CEP112: variants seen among roughly 807,000 people sequenced by gnomAD.
CEP112 encodes centrosomal protein of 112 kDa.
Under a neutral mutation model 153.0 loss-of-function variants are expected in CEP112, and 127 were observed. That is an observed-to-expected ratio of 0.83 (90% confidence interval 0.72 to 0.96). The LOEUF is 0.96. CEP112 is among the 40% of genes least tolerant of loss of function. The pLI is 0.00. For synonymous variants in CEP112, 358 were observed against 374.4 expected, an observed-to-expected ratio of 0.96 and a Z score of 0.51; for missense variants, 1,089 against 1,101.2, an observed-to-expected ratio of 0.99 and a Z score of 0.16.
chr17:66,057,434 G>A (rs1244478417), intron 11 of CEP112, among the ~76,000 whole-genome samples: 1 of 152,088 alleles, frequency 6.6e-6, no homozygotes, highest in Non-Finnish European at 1.5e-5. Flanking sequence ...TTCTCCATGG[G>A]ATAGGGAAAA....
chr17:65,742,990 C>T, intron 23 of CEP112, 78 bp downstream of exon 23: 1 of 1,164,038 alleles, frequency 8.6e-7, no homozygotes, highest in South Asian at 1.7e-5. Context: ...ATTCATCTGC[C>T]CACTGCTGGG....
chr17:65,941,752 A>G (rs1019659349), intron 18 of CEP112, among the ~76,000 whole-genome samples: 1 of 151,736 alleles, frequency 6.6e-6, no homozygotes, highest in Admixed American at 6.6e-5. Flanking sequence ...GTTCAAAGAT[A>G]ATAAAGTGTG....
At position 66,048,337 on chromosome 17, in the gene CEP112, A is replaced by G. The variant is rs1476824194; in HGVS notation, c.1218+5399T>C. On this transcript the variant is annotated intron_variant, in intron 12 of 26. Transcript: ENST00000535342. The stretch of plus-strand genomic sequence containing the variant: ...GCCAGAGAAATTATCCAATGTTCAC[A>G]TATATAGAAGTTCAATATATAAGAG... Among the ~76,000 whole-genome samples the G allele has an allele frequency of 2.0e-5, 3 of 152,186 alleles. No individual in the cohort carries two copies. The East Asian group carries it at 5.8e-4, about 29-fold the overall frequency.
chr17:65,696,959 T>C (rs546242039), intron 23 of CEP112, among the ~76,000 whole-genome samples: 1 of 152,282 alleles, frequency 6.6e-6, no homozygotes. Context: ...ATTTACCCCA[T>C]GAATGTTTTG....
chr17:65,741,451 G>T (rs1237377271), intron 23 of CEP112, among the ~76,000 whole-genome samples: 15 of 150,492 alleles, frequency 1.0e-4, no homozygotes, highest in Admixed American at 9.9e-4. Context: ...GTAACATATG[G>T]TACATATAGT....
At chr17:65,724,670 T>C (rs1349355728) in intron 23 of CEP112, among the ~76,000 whole-genome samples, 1 of 152,358 alleles carries the variant, frequency 6.6e-6, no homozygotes, top group African/African-American at 2.4e-5. Context: ...TAAAAAATTA[T>C]ACATATGTCT....
chr17:65,692,343 C>T (rs2048151991), intron 23 of CEP112, among the ~76,000 whole-genome samples: 1 of 151,662 alleles, frequency 6.6e-6, no homozygotes, highest in African/African-American at 2.4e-5. Context: ...ATTCTCCTGC[C>T]TCAGCCTCCA....
At chr17:65,839,717 G>A (rs1259663287) in intron 21 of CEP112, among the ~76,000 whole-genome samples, 1 of 151,864 alleles carries the variant, frequency 6.6e-6, no homozygotes, top group Non-Finnish European at 1.5e-5. Context: ...AAATTAGAAA[G>A]GAAGAAGTCA....
chr17:66,028,651 T>A (rs1184828544), intron 14 of CEP112, among the ~76,000 whole-genome samples: 1 of 151,852 alleles, frequency 6.6e-6, no homozygotes, highest in Admixed American at 6.6e-5. Flanking sequence ...AAAAATATAA[T>A]CTTTTAAAGT....
At chr17:66,150,498 T>C (rs8069758) in intron 4 of CEP112, among the ~76,000 whole-genome samples, 102,025 of 152,066 alleles carry the variant, frequency 0.67, 35,933 homozygotes, top group Non-Finnish European at 0.78. Flanking sequence ...CCCAAACTGC[T>C]GGGATTATAG....
chr17:65,783,268 T>G (rs930735783), intron 21 of CEP112, among the ~76,000 whole-genome samples: 3 of 152,250 alleles, frequency 2.0e-5, no homozygotes, highest in Admixed American at 2.0e-4. Flanking sequence ...GTAATAATAA[T>G]AATGATGATG....
intron 16 of CEP112, among the ~76,000 whole-genome samples, chr17:66,011,046 T>G (rs145862224): frequency 4.1e-4 from 62 of 152,266 alleles, no homozygotes; most frequent in Admixed American, 1.1e-3. Context: ...GCAGCTCTTC[T>G]TTACACATCT....
At chr17:65,913,878 A>G (rs996314821) in intron 19 of CEP112, 2 of 985,286 alleles carry the variant, frequency 2.0e-6, no homozygotes, top group Non-Finnish European at 2.4e-6. Context: ...CCCATTTAAC[A>G]CTTCAAAACA....
chr17:66,069,169 T>C (rs1311033867), intron 9 of CEP112, among the ~76,000 whole-genome samples: 1 of 152,022 alleles, frequency 6.6e-6, no homozygotes, highest in Non-Finnish European at 1.5e-5. Flanking sequence ...CCTCTGTCTC[T>C]AGTACTCAGT....
intron 21 of CEP112, among the ~76,000 whole-genome samples, chr17:65,770,928 T>TTAA (rs2053312543): frequency 8.0e-6 from 1 of 124,304 alleles, no homozygotes; most frequent in Non-Finnish European, 1.6e-5. Context: ...GACTCCGTCT[T>TTAA]AAAAAAAAAA....
At chr17:65,687,160 ATTTTTTTTTT>A (rs35675811) in intron 24 of CEP112, among the ~76,000 whole-genome samples, 2 of 90,142 alleles carry the variant, frequency 2.2e-5, no homozygotes, top group East Asian at 3.4e-4. Context: ...GTTATTATTA[ATTTTTTTTTT>A]TTTTTTTTTT....
At chr17:65,969,663 C>G (rs1370566198) in intron 17 of CEP112, among the ~76,000 whole-genome samples, 1 of 152,216 alleles carries the variant, frequency 6.6e-6, no homozygotes, top group Non-Finnish European at 1.5e-5. Flanking sequence ...ATGTATAACA[C>G]TGCATATTGC....
At chr17:65,672,724 A>T (rs528821543) in intron 24 of CEP112, among the ~76,000 whole-genome samples, 7 of 152,312 alleles carry the variant, frequency 4.6e-5, no homozygotes, top group African/African-American at 1.7e-4. Flanking sequence ...TCTGAAGCTC[A>T]TGCTCTTAAG....
Position 65,800,315 on chromosome 17 carries a change from C to T in CEP112, c.2395-49591G>A, listed in dbSNP as rs554159668. Among the ~76,000 whole-genome samples, 80 of 152,098 alleles carry T rather than the reference C, an allele frequency of 5.3e-4. 1 individual carries two copies. The South Asian group carries it at 7.9e-3, about 15-fold the overall frequency. On this transcript the variant is annotated intron_variant, in intron 21 of 26. Transcript: ENST00000535342. ...AACTCTAATCCACATTCTGTTTCTA[C>T]GGATTTGTCTATTCTGAACATTTCA...
Sources: allele counts gnomAD v4.1 joint callset (sites outside exome capture counted in the v4.1 genomes callset), GRCh38; gene constraint gnomAD v4.1.1; transcripts MANE v1.5; gene names NCBI Gene and HGNC (gene_info 2026-07-23, HGNC 2026-07-21).